UBOX5: variants seen among roughly 807,000 people sequenced by gnomAD.
UBOX5 encodes the protein U-box domain containing 5.
UBOX5 carries 28 observed loss-of-function variants against 39.0 expected under a neutral mutation model. The observed-to-expected ratio is 0.72, with a 90% CI of 0.53 to 0.98. UBOX5 has a LOEUF of 0.98. UBOX5 is among the 50% of genes least tolerant of loss of function. The pLI is 0.00. For missense variants in UBOX5, 585 were observed against 674.4 expected, an observed-to-expected ratio of 0.87 and a Z score of 1.47; for synonymous variants, 283 against 275.5, an observed-to-expected ratio of 1.03 and a Z score of -0.27.
At chr20:3,120,599 T>C (rs1456145727) in intron 3 of UBOX5, among the ~76,000 whole-genome samples, 2 of 143,648 alleles carry the variant, frequency 1.4e-5, no homozygotes, top group South Asian at 4.4e-4. Context: ...TGAGCCGAGA[T>C]CATGCCACCG....
In UBOX5 at chr20:3,149,566, G is replaced by A. The variant is rs910052427; in HGVS notation, c.-42+10200C>T. Among the ~76,000 whole-genome samples the A allele has an allele frequency of 6.6e-6, 1 of 152,162 alleles. No individual in the cohort carries two copies. Among genetic ancestry groups the A allele is most frequent in the African/African-American group, 2.4e-5 (1 of 41,452 alleles). ...GACGGTGCTCCGCTAACATTTGATAGGAAGAAGGAAGGCAGATTTCTAGAA... is the reference window on the plus strand; with the variant it reads ...GACGGTGCTCCGCTAACATTTGATAAGAAGAAGGAAGGCAGATTTCTAGAA... On this transcript the variant is annotated intron_variant, in intron 1 of 4. Transcript: ENST00000217173. This position sits in a 1 kb window ranked among gnomAD's most constrained non-coding sequence, Gnocchi z 4.1.
At position 3,149,214 on chromosome 20, in the gene UBOX5, C is replaced by G; in HGVS notation, c.-42+10552G>C. On this transcript the variant is annotated intron_variant, in intron 1 of 4. Coordinates refer to ENST00000217173, the MANE Select transcript of UBOX5 (RefSeq NM_014948.4). This position sits in a 1 kb window ranked among gnomAD's most constrained non-coding sequence, Gnocchi z 4.1. ...CTGCCTGGAAATCTTCAGCATATCA[C>G]AAGAGCCAGGGATCACAAATGACTG... is the stretch of plus-strand genomic sequence containing the variant. 3 of 812,308 alleles carry G rather than the reference C, an allele frequency of 3.7e-6. No individual in the cohort carries two copies. The South Asian group carries it at 5.9e-5, about 16-fold the overall frequency. The allele number at this position is 812,308 out of a possible 1,614,324, so 50.3% of individuals were successfully genotyped here.
At position 3,156,474 on chromosome 20, in the gene UBOX5, G is replaced by C. The variant is rs551657781; in HGVS notation, c.-42+3292C>G. 1.1e-4 allele frequency among the ~76,000 whole-genome samples: 17 copies of C among 152,196 alleles called. No homozygotes were observed. The South Asian group carries it at 3.3e-3, about 30-fold the overall frequency. ...GTACAGGCAGGAGCCACCACGCCCGGCCTGACTCTTTCAATAAAGGTCAAA... is the reference window on the plus strand; with the variant it reads ...GTACAGGCAGGAGCCACCACGCCCGCCCTGACTCTTTCAATAAAGGTCAAA... On this transcript the variant is annotated intron_variant, in intron 1 of 4. Transcript: ENST00000217173.
intron 3 of UBOX5, among the ~76,000 whole-genome samples, chr20:3,118,179 AAACCATT>A (rs2066308145): frequency 1.3e-5 from 2 of 149,948 alleles, no homozygotes; most frequent in East Asian, 4.0e-4. Flanking sequence ...AAACAAAAAG[AAACCATT>A]AACAGGCCGG....
At chr20:3,130,738 T>G (rs2066423111) in intron 1 of UBOX5, among the ~76,000 whole-genome samples, 1 of 152,098 alleles carries the variant, frequency 6.6e-6, no homozygotes, top group African/African-American at 2.4e-5. Flanking sequence ...TCAGCTGTCT[T>G]ATTGAACTCT....
intron 3 of UBOX5, among the ~76,000 whole-genome samples, chr20:3,117,959 TC>T (rs2066306221): frequency 1.3e-5 from 2 of 151,902 alleles, no homozygotes; most frequent in Admixed American, 6.6e-5. Flanking sequence ...GACACTGCAC[TC>T]CAGCCAGGGC....
chr20:3,140,771 G>A (rs113299095), intron 1 of UBOX5, among the ~76,000 whole-genome samples: 1,893 of 151,876 alleles, frequency 0.012, 18 homozygotes, highest in Middle Eastern at 0.054. Flanking sequence ...TGTTACCTGG[G>A]TATATTGCAT....
At chr20:3,134,802 T>C (rs1007913320) in intron 1 of UBOX5, among the ~76,000 whole-genome samples, 2 of 151,658 alleles carry the variant, frequency 1.3e-5, no homozygotes, top group African/African-American at 2.4e-5. Context: ...GAGGTGGAGG[T>C]TGCACTTGGC....
chr20:3,145,643 G>C (rs1032226849), intron 1 of UBOX5, among the ~76,000 whole-genome samples: 7 of 152,004 alleles, frequency 4.6e-5, no homozygotes, highest in African/African-American at 1.7e-4. Flanking sequence ...CACTATGTTG[G>C]CCAGGCTGGT....
rs780137995 is a variant in UBOX5 at position 3,147,815 on chromosome 20, G to A, written c.-42+11951C>T. 2.5e-6 allele frequency: 4 copies of A among 1,614,200 alleles called. No homozygotes were observed. In the Admixed American group the frequency reaches 6.7e-5, roughly 27 times the overall value. ...ACTTCGACAGTGTGCCACTCTAGGA[G>A]GCAAAGACGCAGCCACTGCATTCAT... is the stretch of plus-strand genomic sequence containing the variant. On this transcript the variant is annotated intron_variant, in intron 1 of 4. Transcript: ENST00000217173.
At chr20:3,151,068 T>G (rs190242647) in intron 1 of UBOX5, among the ~76,000 whole-genome samples, 1 of 149,358 alleles carries the variant, frequency 6.7e-6, no homozygotes, top group African/African-American at 2.5e-5. Context: ...GTGTGTGTGT[T>G]TGTGTGTGTG....
At chr20:3,126,013 A>C (rs1276457522) in intron 1 of UBOX5, among the ~76,000 whole-genome samples, 2 of 152,286 alleles carry the variant, frequency 1.3e-5, no homozygotes, top group Non-Finnish European at 2.9e-5. Flanking sequence ...AATAGCTCCG[A>C]AGAGACAGCG....
At chr20:3,139,888 C>T (rs1355415837) in intron 1 of UBOX5, among the ~76,000 whole-genome samples, 2 of 151,230 alleles carry the variant, frequency 1.3e-5, no homozygotes, top group East Asian at 3.9e-4. Context: ...TTTTTTATTT[C>T]TAGTAGAGAT....
chr20:3,112,823 G>A (rs1057035558), intron 4 of UBOX5, among the ~76,000 whole-genome samples: 12 of 151,474 alleles, frequency 7.9e-5, no homozygotes, highest in East Asian at 7.8e-4. Flanking sequence ...AAAATTAGCC[G>A]GGCGTGGTGG....
chr20:3,124,922 C>T (rs1323779880), intron 1 of UBOX5, among the ~76,000 whole-genome samples: 1 of 149,672 alleles, frequency 6.7e-6, no homozygotes, highest in Non-Finnish European at 1.5e-5. Context: ...TGCCTGGCCA[C>T]CCATCATCTG....
At chr20:3,136,384 C>G (rs771735387) in intron 1 of UBOX5, among the ~76,000 whole-genome samples, 22 of 152,004 alleles carry the variant, frequency 1.4e-4, no homozygotes, top group Non-Finnish European at 3.2e-4. Flanking sequence ...GACAGAGTCT[C>G]TCTCTGTCAC....
chr20:3,130,333 CTT>C (rs5839987), intron 1 of UBOX5, among the ~76,000 whole-genome samples: 13,471 of 132,158 alleles, frequency 0.1, 759 homozygotes, highest in Middle Eastern at 0.13. Context: ...TTGTTTATGC[CTT>C]TTTTTTTTTT....
intron 1 of UBOX5, among the ~76,000 whole-genome samples, chr20:3,124,364 A>C (rs2066361426): frequency 6.6e-6 from 1 of 151,986 alleles, no homozygotes. Flanking sequence ...GCCTTGAGTG[A>C]TCTGCCCGCC....
At chr20:3,127,899 C>T (rs949808154) in intron 1 of UBOX5, among the ~76,000 whole-genome samples, 2 of 152,122 alleles carry the variant, frequency 1.3e-5, no homozygotes, top group Non-Finnish European at 2.9e-5. Context: ...AAACATGAAT[C>T]TCATGGGGTA....
Sources: allele counts gnomAD v4.1 joint callset (sites outside exome capture counted in the v4.1 genomes callset), GRCh38; gene constraint gnomAD v4.1.1; non-coding constraint Gnocchi (gnomAD v3.1); transcripts MANE v1.5; gene names NCBI Gene and HGNC (gene_info 2026-07-23, HGNC 2026-07-21).